The following LDB3 variants were observed in gnomAD, a reference collection of about 807,000 sequenced individuals.
The protein encoded by LDB3 is LIM domain-binding protein 3.
LDB3 carries 49 observed loss-of-function variants against 69.0 expected under a neutral mutation model. That is an observed-to-expected ratio of 0.71 (90% confidence interval 0.56 to 0.90). LDB3 has a LOEUF of 0.90. LDB3 is among the 40% of genes least tolerant of loss of function. The probability of loss-of-function intolerance (pLI) is 0.00; values close to 1 mark genes in which losing one functional copy is unlikely to be tolerated. For missense variants in LDB3, 928 were observed against 974.1 expected (o/e 0.95, Z 0.63); for synonymous variants, 387 against 396.2 (o/e 0.98, Z 0.28).
intron 2 of LDB3, among the ~76,000 whole-genome samples, chr10:86,678,018 A>G (rs1844894282): frequency 6.6e-6 from 1 of 152,052 alleles, no homozygotes; most frequent in African/African-American, 2.4e-5. Flanking sequence ...AATCAAGGTT[A>G]CAAATAGCCT....
intron 5 of LDB3, among the ~76,000 whole-genome samples, chr10:86,689,566 G>A (rs1044934490): frequency 2.6e-5 from 4 of 152,196 alleles, no homozygotes; most frequent in African/African-American, 9.7e-5. Flanking sequence ...TTCTTGCCGT[G>A]CTTTGGGGTA....
chr10:86,674,660 C>G lies in LDB3; in HGVS notation c.94-4707C>G, dbSNP rs191220031. ...GTGAAGTGGGAATGAAACACTCATT[C>G]AAGGGAGGCATTTAAATGCTCAAAG... is the stretch of plus-strand genomic sequence containing the variant. On this transcript the variant is annotated intron_variant, in intron 2 of 13. Coordinates refer to ENST00000361373, the MANE Select transcript of LDB3 (RefSeq NM_007078.3). 4.5e-3 allele frequency among the ~76,000 whole-genome samples: 690 copies of G among 152,218 alleles called. 5 individuals are homozygous for G. Among genetic ancestry groups the G allele is most frequent in the African/African-American group, 0.016 (656 of 41,516 alleles).
At chr10:86,678,715 A>C (rs1410776763) in intron 2 of LDB3, among the ~76,000 whole-genome samples, 1 of 151,994 alleles carries the variant, frequency 6.6e-6, no homozygotes, top group Non-Finnish European at 1.5e-5. Flanking sequence ...ATCATAGTTT[A>C]TTGTAACCTC....
At chr10:86,706,241 G>A (rs1367858502) in intron 7 of LDB3, among the ~76,000 whole-genome samples, 1 of 142,702 alleles carries the variant, frequency 7.0e-6, no homozygotes, top group Non-Finnish European at 1.5e-5. Flanking sequence ...AGAAAAATTA[G>A]GAAGTACAGA....
At chr10:86,714,232 G>A (rs181056956) in intron 9 of LDB3, among the ~76,000 whole-genome samples, 180 of 152,322 alleles carry the variant, frequency 1.2e-3, no homozygotes, top group Middle Eastern at 3.4e-3. Flanking sequence ...CCAGGAGGTA[G>A]TAGAGCTGGA....
At chr10:86,714,355 A>T (rs1480685605) in intron 9 of LDB3, among the ~76,000 whole-genome samples, 1 of 152,008 alleles carries the variant, frequency 6.6e-6, no homozygotes, top group Non-Finnish European at 1.5e-5. Context: ...TAGAAATTGG[A>T]CTCATATTCT....
chr10:86,688,008 C>T (rs1203324904), intron 5 of LDB3, among the ~76,000 whole-genome samples: 1 of 150,982 alleles, frequency 6.6e-6, no homozygotes, highest in Non-Finnish European at 1.5e-5. Flanking sequence ...TTTCTGTCTT[C>T]CTCCTTGTTG....
chr10:86,695,546 C>G (rs1406574798), intron 7 of LDB3, among the ~76,000 whole-genome samples: 4 of 152,246 alleles, frequency 2.6e-5, no homozygotes, highest in Non-Finnish European at 5.9e-5. Flanking sequence ...GGACCAGGCA[C>G]CTTAGGAAAC....
At chr10:86,726,090 C>T (rs199602161) in intron 12 of LDB3, 47 bp from the exon 13 acceptor site, 102 of 1,432,962 alleles carry the variant, frequency 7.1e-5, no homozygotes, top group East Asian at 3.0e-4. Context: ...TTTGGGTCCC[C>T]GCTGCCCCCA....
chr10:86,713,061 C>CAA (rs1226023060), intron 9 of LDB3, among the ~76,000 whole-genome samples: 8 of 132,434 alleles, frequency 6.0e-5, no homozygotes, highest in South Asian at 4.8e-4. Flanking sequence ...GGCTCCGTCT[C>CAA]AAAAATATAT....
intron 12 of LDB3, among the ~76,000 whole-genome samples, chr10:86,720,885 C>T (rs1393873528): frequency 6.6e-6 from 1 of 152,180 alleles, no homozygotes; most frequent in Non-Finnish European, 1.5e-5. Context: ...GCAGATTTAC[C>T]TTCAGACCTA....
intron 5 of LDB3, chr10:86,685,602 T>C: frequency 1.4e-6 from 2 of 1,470,000 alleles, no homozygotes. Flanking sequence ...AGGCTGATGA[T>C]GGCCCCGGCG....
intron 7 of LDB3, among the ~76,000 whole-genome samples, chr10:86,705,524 G>A (rs146510827): frequency 6.8e-4 from 103 of 152,312 alleles, no homozygotes; most frequent in Non-Finnish European, 1.2e-3. Flanking sequence ...TAGCAACCCA[G>A]CTCTGACTGC....
chr10:86,710,155 AAGCAAGGCCTT>A, intron 9 of LDB3, 105 bp downstream of exon 9: 4 of 1,545,958 alleles, frequency 2.6e-6, no homozygotes, highest in Non-Finnish European at 3.5e-6. Flanking sequence ...GAAGAATGGG[AAGCAAGGCCTT>A]GCTAATGATG....
At position 86,734,914 on chromosome 10, in the gene LDB3, T is replaced by G. The variant is rs1847575051; in HGVS notation, c.*1938T>G. On this transcript the variant is annotated 3_prime_UTR_variant, in exon 14 of 14. Coordinates refer to ENST00000361373, the MANE Select transcript of LDB3 (RefSeq NM_007078.3). ...GTTCAAATATGCAGGGACAAGGAGG[T>G]TGCTGACTGTACTGACAGGCTCTAA... 6.6e-6 allele frequency: 1 copy of G among 151,412 alleles called. No individual in the cohort carries two copies. 9.4% of individuals were successfully genotyped at this position (151,412 alleles called of 1,614,324 possible). A position where few individuals can be genotyped will look rare whatever the true frequency, so the allele number is the denominator to read the frequency against.
chr10:86,699,753 C>T lies in LDB3; in HGVS notation c.897-6778C>T. 1 of 1,108,104 alleles carries T rather than the reference C, an allele frequency of 9.0e-7. No individual in the cohort carries two copies. Among genetic ancestry groups the T allele is most frequent in the East Asian group, 6.4e-5 (1 of 15,552 alleles). 68.6% of individuals were successfully genotyped at this position (1,108,104 alleles called of 1,614,324 possible). A position where few individuals can be genotyped will look rare whatever the true frequency, so the allele number is the denominator to read the frequency against. Reference sequence around the variant, plus strand: ...CTGCTCAGTTTCCCACCATCCTCAGCTCCTGGCCTCATCCCCTCCTAGAAT... The same window carrying T: ...CTGCTCAGTTTCCCACCATCCTCAGTTCCTGGCCTCATCCCCTCCTAGAAT... On this transcript the variant is annotated intron_variant, in intron 7 of 13. Coordinates refer to ENST00000361373, the MANE Select transcript of LDB3 (RefSeq NM_007078.3). This position sits in a 1 kb window ranked among gnomAD's most constrained non-coding sequence, Gnocchi z 4.9.
chr10:86,692,562 G>T lies in LDB3; in HGVS notation c.887G>T (p.Arg296Leu). ...FMQDPDEEAL[R>L]RSSTPIEHAP... ...CAAGACCCTGATGAAGAAGCTCTGCGAAGGTCAAGGTAAGTGCCTGGACTC... is the reference window on the plus strand; with the variant it reads ...CAAGACCCTGATGAAGAAGCTCTGCTAAGGTCAAGGTAAGTGCCTGGACTC... Residue 296 changes from arginine (R) to leucine (L), a missense_variant, in exon 7 of 14, where the codon CGA (arginine) becomes CTA (leucine). Coordinates refer to ENST00000361373, the MANE Select transcript of LDB3 (RefSeq NM_007078.3). 1 of 1,614,222 alleles carries T rather than the reference G, an allele frequency of 6.2e-7. No individual in the cohort carries two copies. Among genetic ancestry groups the T allele is most frequent in the Non-Finnish European group, 8.5e-7 (1 of 1,180,014 alleles).
Position 86,699,558 on chromosome 10 carries a change from C to G in LDB3, c.897-6973C>G, listed in dbSNP as rs1013662627. 5 of 1,468,058 alleles carry G rather than the reference C, an allele frequency of 3.4e-6. No individual in the cohort carries two copies. In the African/African-American group the frequency reaches 7.0e-5, roughly 21 times the overall value. 90.9% of individuals were successfully genotyped at this position (1,468,058 alleles called of 1,614,324 possible). A position where few individuals can be genotyped will look rare whatever the true frequency, so the allele number is the denominator to read the frequency against. On this transcript the variant is annotated intron_variant, in intron 7 of 13. Transcript: ENST00000361373. The surrounding 1 kb of genome is among the most constrained non-coding windows in gnomAD (Gnocchi z 4.9). Reference sequence around the variant, plus strand: ...CCCCAGAGCTGATGCTGGGGCCCAGCCCCCTGCAGCTCTGTACCCACCAAA... The same window carrying G: ...CCCCAGAGCTGATGCTGGGGCCCAGGCCCCTGCAGCTCTGTACCCACCAAA...
Position 86,671,666 on chromosome 10 carries a change from G to A in LDB3, c.93+2882G>A, listed in dbSNP as rs1026886631. On this transcript the variant is annotated intron_variant, in intron 2 of 13. Transcript: ENST00000361373. ...GCCTCTGCCCTGGCAGCTGGCCAGAGGCTGGGGCTGTGGTCTGGGGTCTCA... is the reference window on the plus strand; with the variant it reads ...GCCTCTGCCCTGGCAGCTGGCCAGAAGCTGGGGCTGTGGTCTGGGGTCTCA... Among the ~76,000 whole-genome samples the A allele has an allele frequency of 3.3e-5, 5 of 152,342 alleles. No individual in the cohort carries two copies. The East Asian group carries it at 9.6e-4, about 29-fold the overall frequency.
Sources: allele counts gnomAD v4.1 joint callset (sites outside exome capture counted in the v4.1 genomes callset), GRCh38; gene constraint gnomAD v4.1.1; non-coding constraint Gnocchi (gnomAD v3.1); transcripts MANE v1.5; gene names NCBI Gene and HGNC (gene_info 2026-07-23, HGNC 2026-07-21).